Variants in WRN observed in about 807,000 individuals in gnomAD.
The protein encoded by WRN is bifunctional 3'-5' exonuclease/ATP-dependent helicase WRN.
In WRN, 149 loss-of-function variants were observed where a neutral mutation model predicts 180.7. That is an observed-to-expected ratio of 0.82 (90% CI 0.72 to 0.94). The LOEUF (loss-of-function observed/expected upper bound fraction) is 0.94. Among genes scored for constraint, WRN ranks in the 40% least tolerant of loss-of-function variants. The probability of loss-of-function intolerance (pLI) is 0.00; values close to 1 mark genes in which losing one functional copy is unlikely to be tolerated. For missense variants in WRN, 1,661 were observed against 1,700.1 expected (o/e 0.98, Z 0.40); for synonymous variants, 548 against 568.9 (o/e 0.96, Z 0.52).
chr8:31,175,706 A>G lies in WRN; in HGVS notation c.*2604A>G, dbSNP rs1423549105. Reference sequence around the variant, plus strand: ...GTGCAAAGTCAGATTTTTTTCATATACTTCAGCCAAAACAGCATATCAAAA... The same window carrying G: ...GTGCAAAGTCAGATTTTTTTCATATGCTTCAGCCAAAACAGCATATCAAAA... On this transcript the variant is annotated 3_prime_UTR_variant, in exon 35 of 35. Coordinates refer to ENST00000298139, the MANE Select transcript of WRN (RefSeq NM_000553.6). 2.0e-5 allele frequency among the ~76,000 whole-genome samples: 3 copies of G among 152,218 alleles called. No individual in the cohort carries two copies. The East Asian group carries it at 5.8e-4, about 29-fold the overall frequency.
intron 23 of WRN, among the ~76,000 whole-genome samples, chr8:31,125,537 G>GATATATATATGTATATAT (rs1801889554): frequency 1.6e-5 from 1 of 63,766 alleles, no homozygotes; most frequent in Admixed American, 2.2e-4. Context: ...ATATTATGGA[G>GATATATATATGTATATAT]ATATATATAT....
intron 17 of WRN, among the ~76,000 whole-genome samples, chr8:31,097,780 A>G (rs1264635664): frequency 1.3e-5 from 2 of 152,006 alleles, no homozygotes; most frequent in Non-Finnish European, 2.9e-5. Flanking sequence ...CCATGCCTCA[A>G]AAAAAATTTT....
At chr8:31,084,152 C>G (rs1322372100) in intron 10 of WRN, among the ~76,000 whole-genome samples, 1 of 152,134 alleles carries the variant, frequency 6.6e-6, no homozygotes, top group Non-Finnish European at 1.5e-5. Flanking sequence ...GCGTGCACCA[C>G]CATGCCCGGC....
Position 31,111,819 on chromosome 8 carries a change from T to A in WRN, c.2273+20T>A, listed in dbSNP as rs375570890. On this transcript the variant is annotated intron_variant, in intron 19 of 34. Coordinates refer to ENST00000298139, the MANE Select transcript of WRN (RefSeq NM_000553.6). ...AACAAGGTAAGGATTTAATGGTTGA[T>A]GAATTTTGGTAATGATTTCCTTTTT... 5.0e-6 allele frequency: 8 copies of A among 1,610,826 alleles called. 1 individual carries two copies. In the African/African-American group the frequency reaches 1.1e-4, roughly 22 times the overall value.
intron 1 of WRN, among the ~76,000 whole-genome samples, chr8:31,057,535 C>T (rs1812317258): frequency 6.6e-6 from 1 of 152,066 alleles, no homozygotes; most frequent in African/African-American, 2.4e-5. Flanking sequence ...CGTGCCACTG[C>T]ACTCCAGCCT....
intron 1 of WRN, among the ~76,000 whole-genome samples, chr8:31,056,571 A>G (rs1812283557): frequency 6.6e-6 from 1 of 152,170 alleles, no homozygotes; most frequent in Non-Finnish European, 1.5e-5. Flanking sequence ...TTGCAGGTAG[A>G]ACATTCTTTT....
At chr8:31,095,692 A>G (rs1439120920) in intron 16 of WRN, among the ~76,000 whole-genome samples, 1 of 152,310 alleles carries the variant, frequency 6.6e-6, no homozygotes, top group East Asian at 1.9e-4. Flanking sequence ...TAAATTGACT[A>G]CATATATGTG....
At chr8:31,039,849 A>G (rs923451304) in intron 1 of WRN, among the ~76,000 whole-genome samples, 4 of 152,118 alleles carry the variant, frequency 2.6e-5, no homozygotes, top group African/African-American at 9.7e-5. Context: ...TGTTATATTG[A>G]TTAATTTTCT....
intron 20 of WRN, among the ~76,000 whole-genome samples, chr8:31,119,757 T>TA (rs1801650269): frequency 6.6e-6 from 1 of 152,000 alleles, no homozygotes. Context: ...TGTGTAAACT[T>TA]ACCTCAGTAT....
At chr8:31,088,990 A>C in intron 13 of WRN, 25 bp downstream of exon 13, 1 of 1,593,144 alleles carries the variant, frequency 6.3e-7, no homozygotes, top group African/African-American at 1.3e-5. Context: ...ATTTAATCAA[A>C]TCACATATTT....
chr8:31,076,060 T>G lies in WRN; in HGVS notation c.725-113T>G, dbSNP rs1813082349. On this transcript the variant is annotated intron_variant, in intron 7 of 34. Coordinates refer to ENST00000298139, the MANE Select transcript of WRN (RefSeq NM_000553.6). ...AATAAGAAGGTCTTTTTGTTGGAAT[T>G]CATTTAAGGAAAGAAAATGAAAATT... 8 of 864,498 alleles carry G rather than the reference T, an allele frequency of 9.3e-6. No individual in the cohort carries two copies. The East Asian group carries it at 2.1e-4, about 22-fold the overall frequency. The allele number at this position is 864,498 out of a possible 1,614,324, so 53.6% of individuals were successfully genotyped here.
chr8:31,124,552 G>A lies in WRN; in HGVS notation c.2661G>A (p.Lys887=). Residue 887 remains lysine, a synonymous_variant, in exon 22 of 35, where the codon AAG becomes AAA. Transcript: ENST00000298139. ...RHLLTEIRNE[K]FRLYKLKMMA... ...TTCTTACTGAGATACGTAATGAGAA[G>A]TTTCGATTATACAAATTAAAGATGA... 8 of 1,611,962 alleles carry A rather than the reference G, an allele frequency of 5.0e-6. No homozygotes were observed. The highest frequency in any genetic ancestry group is 6.8e-6 in the Non-Finnish European group (8 of 1,178,798).
In WRN at chr8:31,071,568, A is replaced by G. The variant is rs567773980; in HGVS notation, c.724+3241A>G. ...GCGATCTTGGCTTACCGCAGCTTCC[A>G]CCTCCTGGGTTCAAGTGATTATCCT... On this transcript the variant is annotated intron_variant, in intron 7 of 34. Coordinates refer to ENST00000298139, the MANE Select transcript of WRN (RefSeq NM_000553.6). Among the ~76,000 whole-genome samples the G allele has an allele frequency of 1.3e-3, 191 of 152,120 alleles. 2 individuals carry two copies. Among genetic ancestry groups the G allele is most frequent in the African/African-American group, 4.4e-3 (181 of 41,456 alleles).
chr8:31,057,138 T>C (rs1034678536), intron 1 of WRN, among the ~76,000 whole-genome samples: 1 of 152,240 alleles, frequency 6.6e-6, no homozygotes, highest in Non-Finnish European at 1.5e-5. Flanking sequence ...TTGGGATAGT[T>C]GCTGCATATT....
At chr8:31,116,261 G>A in intron 19 of WRN, 93 bp from the exon 20 acceptor site, 1 of 1,301,662 alleles carries the variant, frequency 7.7e-7, no homozygotes, top group Non-Finnish European at 1.1e-6. Context: ...TCTTTAGAAG[G>A]TAGAAAGGAA....
chr8:31,163,889 G>T (rs1449958357), intron 33 of WRN, among the ~76,000 whole-genome samples: 1 of 145,202 alleles, frequency 6.9e-6, no homozygotes, highest in Non-Finnish European at 1.5e-5. Context: ...GTCTTACTCT[G>T]TTTCCCAGGC....
chr8:31,054,586 A>T (rs1007624252), intron 1 of WRN, among the ~76,000 whole-genome samples: 5 of 152,150 alleles, frequency 3.3e-5, no homozygotes, highest in Admixed American at 1.3e-4. Flanking sequence ...TAAAATAATG[A>T]TAAAGGTTGA....
At chr8:31,153,136 A>G (rs985703933) in intron 31 of WRN, among the ~76,000 whole-genome samples, 1 of 152,186 alleles carries the variant, frequency 6.6e-6, no homozygotes, top group African/African-American at 2.4e-5. Flanking sequence ...GGTTGGGGCA[A>G]GTGAAACTGT....
chr8:31,064,513 T>G, intron 4 of WRN, 79 bp downstream of exon 4: 2 of 1,586,754 alleles, frequency 1.3e-6, no homozygotes, highest in Non-Finnish European at 1.7e-6. Flanking sequence ...TTAAGTTCTT[T>G]TATTAGCTGG....
Sources: gnomAD v4.1 joint callset for allele counts (sites outside exome capture counted in the v4.1 genomes callset) on GRCh38, gnomAD v4.1.1 for gene constraint, MANE v1.5 for transcripts, NCBI Gene and HGNC (gene_info 2026-07-23, HGNC 2026-07-21) for gene names.